The following PCDHGB3 variants were observed in gnomAD, a reference collection of about 807,000 sequenced individuals.
PCDHGB3 encodes the protein protocadherin gamma subfamily B, 3.
In PCDHGB3, 40 loss-of-function variants were observed where a neutral mutation model predicts 59.2. The ratio of observed to expected loss-of-function variants is 0.68; its 90% CI spans 0.52 to 0.88. The LOEUF is 0.88. Ranked by LOEUF, PCDHGB3 falls within the 40% of genes least tolerant of loss-of-function variation. The pLI is 0.00. For missense variants in PCDHGB3, 1,309 were observed against 1,187.9 expected (o/e 1.10, Z -1.50); for synonymous variants, 581 against 503.6 (o/e 1.15, Z -2.06).
intron 1 of PCDHGB3, chr5:141,375,949 C>A: frequency 6.2e-7 from 1 of 1,613,568 alleles, no homozygotes; most frequent in Non-Finnish European, 8.5e-7. Flanking sequence ...TGGGCCTGCA[C>A]ACGGGCGAGG....
chr5:141,384,071 C>T, intron 1 of PCDHGB3: 1 of 1,603,192 alleles, frequency 6.2e-7, no homozygotes, highest in Non-Finnish European at 8.5e-7. Context: ...GAAAACCTAC[C>T]TTTTAAATTA....
At chr5:141,508,576 C>A (rs1437398161) in intron 3 of PCDHGB3, among the ~76,000 whole-genome samples, 1 of 152,136 alleles carries the variant, frequency 6.6e-6, no homozygotes, top group African/African-American at 2.4e-5. Flanking sequence ...TGCACCCACT[C>A]GGGGTGCTAC....
At chr5:141,374,601 G>A (rs772584663) in intron 1 of PCDHGB3, 1 of 1,613,676 alleles carries the variant, frequency 6.2e-7, no homozygotes, top group Middle Eastern at 1.6e-4. Flanking sequence ...TTTAAGCTCA[G>A]TGGTAATAGT....
Position 141,476,187 on chromosome 5 carries a change from G to A in PCDHGB3, c.2416-18620G>A. 6.2e-7 allele frequency: 1 copy of A among 1,613,782 alleles called. No individual in the cohort carries two copies. The highest frequency in any genetic ancestry group is 1.1e-5 in the South Asian group (1 of 91,072). ...GTAGTGGGAGTTTTGCTTCTGCTTG[G>A]TGCCTTGAACAAGGCTTCCACGGTC... On this transcript the variant is annotated intron_variant, in intron 1 of 3. Coordinates refer to ENST00000576222, the MANE Select transcript of PCDHGB3 (RefSeq NM_018924.5). This position sits in a 1 kb window ranked among gnomAD's most constrained non-coding sequence, Gnocchi z 7.6.
chr5:141,430,521 A>G, intron 1 of PCDHGB3: 1 of 350,390 alleles, frequency 2.9e-6, no homozygotes, highest in Non-Finnish European at 5.1e-6. Context: ...TTGTGCAGTA[A>G]TTGGTTAGGA....
At chr5:141,501,987 G>A (rs1462571527) in intron 2 of PCDHGB3, among the ~76,000 whole-genome samples, 2 of 152,016 alleles carry the variant, frequency 1.3e-5, no homozygotes, top group Non-Finnish European at 2.9e-5. Flanking sequence ...TGGTCCCGTT[G>A]TCTCCCTGAC....
chr5:141,412,952 T>C, intron 1 of PCDHGB3: 1 of 482,218 alleles, frequency 2.1e-6, no homozygotes, highest in Non-Finnish European at 3.6e-6. Context: ...AGCGCCGCTG[T>C]TCACCTACTA....
rs755863653 is a variant in PCDHGB3 at position 141,422,228 on chromosome 5, TG to T, written c.2415+49420del. 2.3e-5 allele frequency: 36 copies of T among 1,565,448 alleles called. No individual in the cohort carries two copies. The Middle Eastern group carries it at 8.6e-4, about 37-fold the overall frequency. ...GGAGGTCTCTTTACCACCACGACGA[TG>T]TTGATCACTGTTGTGGATGTGAATG... On this transcript the variant is annotated intron_variant, in intron 1 of 3. Transcript: ENST00000576222.
Position 141,424,000 on chromosome 5 carries a change from A to G in PCDHGB3, c.2415+51191A>G, listed in dbSNP as rs2096794510. On this transcript the variant is annotated intron_variant, in intron 1 of 3. Coordinates refer to ENST00000576222, the MANE Select transcript of PCDHGB3 (RefSeq NM_018924.5). ...ATGAGGCTCTCAATTTATTATATAT[A>G]GATACAAATTAATGATTCACAAACA... 5 of 1,076,368 alleles carry G rather than the reference A, an allele frequency of 4.6e-6. No homozygotes were observed. In the South Asian group the frequency reaches 1.4e-4, roughly 30 times the overall value. 66.7% of individuals were successfully genotyped at this position (1,076,368 alleles called of 1,614,324 possible).
rs749054700 is a variant in PCDHGB3 at position 141,371,629 on chromosome 5, G to A, written c.1235G>A (p.Arg412Gln). 3.7e-6 allele frequency: 6 copies of A among 1,613,866 alleles called. No homozygotes were observed. Among genetic ancestry groups the A allele is most frequent in the South Asian group, 1.1e-5 (1 of 91,084 alleles). Residue 412 changes from arginine (R) to glutamine (Q), a missense_variant, in exon 1 of 4, where the codon CGG becomes CAG. Arg to Gln is a conservative substitution (Grantham distance 43). Transcript: ENST00000576222. ...TTGGTGACAGATGGAGCCCTGGACCGGGAGCAGATCCCAGAATACAATGTG... is the reference window on the plus strand; with the variant it reads ...TTGGTGACAGATGGAGCCCTGGACCAGGAGCAGATCCCAGAATACAATGTG... ...YRLVTDGALD[R>Q]EQIPEYNVTI...
chr5:141,370,529 G>C lies in PCDHGB3; in HGVS notation c.135G>C (p.Ser45=). Residue 45 remains serine, a synonymous_variant, in exon 1 of 4, where the codon TCG becomes TCC. Coordinates refer to ENST00000576222, the MANE Select transcript of PCDHGB3 (RefSeq NM_018924.5). ...TTCCCGAGGAGCTGGACAGGGGCTCGCTGGTAGGGAACCTCGCCAAGGACC... is the reference window on the plus strand; with the variant it reads ...TTCCCGAGGAGCTGGACAGGGGCTCCCTGGTAGGGAACCTCGCCAAGGACC... ...YAIPEELDRG[S]LVGNLAKDLG... The C allele has an allele frequency of 1.2e-6, 2 of 1,613,942 alleles. No individual in the cohort carries two copies. The highest frequency in any genetic ancestry group is 1.7e-6 in the Non-Finnish European group (2 of 1,179,874).
chr5:141,442,135 G>C lies in PCDHGB3; in HGVS notation c.2416-52672G>C, dbSNP rs868124128. 8 of 164,066 alleles carry C rather than the reference G, an allele frequency of 4.9e-5. 1 individual carries two copies. The highest frequency in any genetic ancestry group is 2.8e-4 in the South Asian group (2 of 7,026). 10.2% of individuals were successfully genotyped at this position (164,066 alleles called of 1,614,324 possible). On this transcript the variant is annotated intron_variant, in intron 1 of 3. Transcript: ENST00000576222. ...CCCTCGTCGCCGACAGCCTGCAGGA[G>C]ACTCTGCCAGACCTCAGCGATCACT...
Position 141,384,271 on chromosome 5 carries a change from T to G in PCDHGB3, c.2415+11462T>G, listed in dbSNP as rs763450732. On this transcript the variant is annotated intron_variant, in intron 1 of 3. Coordinates refer to ENST00000576222, the MANE Select transcript of PCDHGB3 (RefSeq NM_018924.5). ...ACCCACCTTCCCCCACTCATCCTAC[T>G]CAGTCTACATCGCTGAGAACAACCC... is the stretch of plus-strand genomic sequence containing the variant. The G allele has an allele frequency of 4.0e-5, 65 of 1,613,734 alleles. No individual in the cohort carries two copies. The Admixed American group carries it at 5.7e-4, about 14-fold the overall frequency.
intron 1 of PCDHGB3, among the ~76,000 whole-genome samples, chr5:141,407,531 T>C (rs757019162): frequency 3.3e-5 from 5 of 151,462 alleles, no homozygotes; most frequent in South Asian, 2.1e-4. Context: ...TAACTTATTG[T>C]GCATTGGTAA....
chr5:141,498,807 C>G (rs113587634), intron 2 of PCDHGB3, among the ~76,000 whole-genome samples: 1 of 152,030 alleles, frequency 6.6e-6, no homozygotes, highest in Non-Finnish European at 1.5e-5. Flanking sequence ...GTGGTGCACA[C>G]CTGTAGTCCC....
intron 3 of PCDHGB3, among the ~76,000 whole-genome samples, chr5:141,506,012 T>C (rs2099850012): frequency 6.6e-6 from 1 of 152,208 alleles, no homozygotes; most frequent in Non-Finnish European, 1.5e-5. Context: ...CCTCTTTTGC[T>C]GCCCCTAACT....
intron 1 of PCDHGB3, chr5:141,409,612 C>T: frequency 6.2e-7 from 1 of 1,613,908 alleles, no homozygotes; most frequent in Non-Finnish European, 8.5e-7. Flanking sequence ...CAGGAGCCTC[C>T]ATTGCGCAAG....
At chr5:141,494,569 T>G (rs1341706026) in intron 1 of PCDHGB3, among the ~76,000 whole-genome samples, 2 of 152,190 alleles carry the variant, frequency 1.3e-5, no homozygotes, top group Non-Finnish European at 2.9e-5. Flanking sequence ...GAAAGGAGTC[T>G]CAGCTTGCTC....
chr5:141,477,052 C>T lies in PCDHGB3; in HGVS notation c.2416-17755C>T. On this transcript the variant is annotated intron_variant, in intron 1 of 3. Coordinates refer to ENST00000576222, the MANE Select transcript of PCDHGB3 (RefSeq NM_018924.5). The surrounding 1 kb of genome is among the most constrained non-coding windows in gnomAD (Gnocchi z 4.9). ...TGACAATCAAGGGTCGGCTGGACTT[C>T]GAGGACACCAAACTCCATGAGATTT... 1.2e-6 allele frequency: 2 copies of T among 1,614,240 alleles called. No individual in the cohort carries two copies. The highest frequency in any genetic ancestry group is 1.7e-6 in the Non-Finnish European group (2 of 1,180,032).
Sources: gnomAD v4.1 joint callset for allele counts (sites outside exome capture counted in the v4.1 genomes callset) on GRCh38, gnomAD v4.1.1 for gene constraint, Gnocchi (gnomAD v3.1) non-coding constraint, MANE v1.5 for transcripts, NCBI Gene and HGNC (gene_info 2026-07-23, HGNC 2026-07-21) for gene names.